Variants in BTBD7 observed in about 807,000 individuals in gnomAD.
BTBD7 encodes BTB/POZ domain-containing protein 7.
In BTBD7, 38 loss-of-function variants were observed where a neutral mutation model predicts 99.9. The ratio of observed to expected loss-of-function variants is 0.38; its 90% CI spans 0.29 to 0.50. BTBD7 has a LOEUF of 0.50. Ranked by LOEUF, BTBD7 falls within the 20% of genes least tolerant of loss-of-function variation. The pLI, the probability that BTBD7 is intolerant of heterozygous loss-of-function variation, is 0.93. For missense variants in BTBD7, 1,170 were observed against 1,394.6 expected (o/e 0.84, Z 2.57); for synonymous variants, 520 against 511.4 (o/e 1.02, Z -0.23).
At position 93,253,807 on chromosome 14, in the gene BTBD7, T is replaced by C. The variant is rs2052397544; in HGVS notation, c.1609-17A>G. On this transcript the variant is annotated splice_polypyrimidine_tract_variant and intron_variant, in intron 6 of 10. Coordinates refer to ENST00000334746, the MANE Select transcript of BTBD7 (RefSeq NM_001002860.4). ...TCTTTTCATCTAAAAAAAAATTTTTTTTTTAGATAGAAATCTGTGTAGTAC... is the reference window on the plus strand; with the variant it reads ...TCTTTTCATCTAAAAAAAAATTTTTCTTTTAGATAGAAATCTGTGTAGTAC... 6.5e-7 allele frequency: 1 copy of C among 1,533,436 alleles called. No homozygotes were observed. Among genetic ancestry groups the C allele is most frequent in the African/African-American group, 1.4e-5 (1 of 72,970 alleles). 95.0% of individuals were successfully genotyped at this position (1,533,436 alleles called of 1,614,324 possible). A position where few individuals can be genotyped will look rare whatever the true frequency, so the allele number is the denominator to read the frequency against.
intron 1 of BTBD7, among the ~76,000 whole-genome samples, chr14:93,309,586 T>G (rs1454585510): frequency 6.6e-6 from 1 of 151,998 alleles, no homozygotes; most frequent in Non-Finnish European, 1.5e-5. Flanking sequence ...GTCTACCTCA[T>G]GCTTCTGTGT....
At chr14:93,287,367 C>T (rs1042148079) in intron 3 of BTBD7, among the ~76,000 whole-genome samples, 1 of 134,550 alleles carries the variant, frequency 7.4e-6, no homozygotes, top group African/African-American at 2.7e-5. Flanking sequence ...AGTTCTGCTC[C>T]CCAGAGGTAA....
chr14:93,247,951 G>T (rs1202503768), intron 9 of BTBD7, among the ~76,000 whole-genome samples: 1 of 152,134 alleles, frequency 6.6e-6, no homozygotes, highest in Non-Finnish European at 1.5e-5. Context: ...AAACAGAAAC[G>T]AAAGTGGGCA....
intron 3 of BTBD7, among the ~76,000 whole-genome samples, chr14:93,284,159 C>CT (rs908886543): frequency 2.0e-5 from 3 of 152,144 alleles, no homozygotes; most frequent in Admixed American, 2.0e-4. Context: ...CTGGATTAAA[C>CT]TTTTTTTGGC....
chr14:93,274,353 T>C lies in BTBD7; in HGVS notation c.1163-10360A>G, dbSNP rs144241734. Among the ~76,000 whole-genome samples, 265 of 152,318 alleles carry C rather than the reference T, an allele frequency of 1.7e-3. 2 individuals carry two copies. The highest frequency in any genetic ancestry group is 3.4e-3 in the Middle Eastern group (1 of 294). On this transcript the variant is annotated intron_variant, in intron 3 of 10. Transcript: ENST00000334746. ...ACAGCACCCTGCCTCAGCAGTACCT[T>C]TGTATCTTTTGTTGTCTGCTGTGAA...
intron 3 of BTBD7, chr14:93,288,622 G>T: frequency 1.8e-6 from 2 of 1,114,188 alleles, no homozygotes; most frequent in Non-Finnish European, 2.8e-6. Flanking sequence ...GTTATCCTTG[G>T]ATGGGTTTTC....
intron 1 of BTBD7, among the ~76,000 whole-genome samples, chr14:93,304,770 A>G (rs533400572): frequency 1.3e-5 from 2 of 152,372 alleles, no homozygotes; most frequent in Non-Finnish European, 2.9e-5. Flanking sequence ...ATTCAAAGCC[A>G]AAACATTCAG....
At chr14:93,244,381 T>C (rs2052276190) in intron 10 of BTBD7, 1 of 194,198 alleles carries the variant, frequency 5.1e-6, no homozygotes, top group African/African-American at 2.4e-5. Flanking sequence ...CCGGGCGCAG[T>C]GGCCCACGCC....
intron 3 of BTBD7, among the ~76,000 whole-genome samples, chr14:93,271,778 G>A (rs1046116241): frequency 6.6e-6 from 1 of 152,142 alleles, no homozygotes; most frequent in East Asian, 1.9e-4. Flanking sequence ...GCCAAGACGG[G>A]CGGATCGTTT....
intron 3 of BTBD7, among the ~76,000 whole-genome samples, chr14:93,290,604 C>T (rs1441663796): frequency 2.0e-5 from 3 of 149,034 alleles, no homozygotes; most frequent in Non-Finnish European, 4.5e-5. Context: ...TGCCACCTCC[C>T]GCTCCTGGGT....
chr14:93,278,452 C>T (rs2052680650), intron 3 of BTBD7, among the ~76,000 whole-genome samples: 1 of 152,122 alleles, frequency 6.6e-6, no homozygotes, highest in Non-Finnish European at 1.5e-5. Context: ...CTGATATCTT[C>T]TGGTTGGTTA....
rs141698132 is a variant in BTBD7 at position 93,239,299 on chromosome 14, C to T, written c.*2974G>A. ...GTAGGTCTCTAACCTCAACGCACAG[C>T]GGGCACTGGAAGCGGTGATTGTCCA... On this transcript the variant is annotated 3_prime_UTR_variant, in exon 11 of 11. Coordinates refer to ENST00000334746, the MANE Select transcript of BTBD7 (RefSeq NM_001002860.4). 363 of 152,660 alleles carry T rather than the reference C, an allele frequency of 2.4e-3. 5 individuals carry two copies. Among genetic ancestry groups the T allele is most frequent in the East Asian group, 0.023 (121 of 5,182 alleles). 9.5% of individuals were successfully genotyped at this position (152,660 alleles called of 1,614,324 possible). A position where few individuals can be genotyped will look rare whatever the true frequency, so the allele number is the denominator to read the frequency against.
At chr14:93,272,472 TG>T (rs2052611186) in intron 3 of BTBD7, among the ~76,000 whole-genome samples, 1 of 152,156 alleles carries the variant, frequency 6.6e-6, no homozygotes, top group Non-Finnish European at 1.5e-5. Flanking sequence ...CCTACAGATT[TG>T]TCCTTCAGAA....
intron 3 of BTBD7, among the ~76,000 whole-genome samples, chr14:93,269,465 T>C (rs779369296): frequency 2.6e-5 from 4 of 152,166 alleles, no homozygotes; most frequent in African/African-American, 7.2e-5. Flanking sequence ...GGTCAGACTC[T>C]TGGTGACAAA....
At chr14:93,274,582 T>C (rs887931948) in intron 3 of BTBD7, among the ~76,000 whole-genome samples, 2 of 152,308 alleles carry the variant, frequency 1.3e-5, no homozygotes, top group Non-Finnish European at 2.9e-5. Flanking sequence ...TGAGTTCCAG[T>C]AGGATTATGC....
At chr14:93,331,344 T>C (rs955284778) in intron 1 of BTBD7, among the ~76,000 whole-genome samples, 7 of 152,160 alleles carry the variant, frequency 4.6e-5, no homozygotes, top group Admixed American at 2.0e-4. Flanking sequence ...TCGCCAGCTG[T>C]AGGATCCACA....
intron 2 of BTBD7, 144 bp from the exon 3 acceptor site, chr14:93,295,081 A>G: frequency 1.3e-6 from 1 of 782,050 alleles, no homozygotes; most frequent in South Asian, 2.1e-5. Context: ...AGGAAGACAA[A>G]AAGTTCAATT....
intron 1 of BTBD7, among the ~76,000 whole-genome samples, chr14:93,299,473 G>A (rs1595325940): frequency 6.6e-6 from 1 of 152,164 alleles, no homozygotes. Context: ...GGAGCAAGGA[G>A]AGGGGAGAGG....
chr14:93,305,880 T>G (rs772068856), intron 1 of BTBD7, among the ~76,000 whole-genome samples: 1 of 152,184 alleles, frequency 6.6e-6, no homozygotes, highest in Non-Finnish European at 1.5e-5. Context: ...GGGCACCACA[T>G]AGCAAGAGGG....
Sources: gnomAD v4.1 joint callset for allele counts (sites outside exome capture counted in the v4.1 genomes callset) on GRCh38, gnomAD v4.1.1 for gene constraint, MANE v1.5 for transcripts, NCBI Gene and HGNC (gene_info 2026-07-23, HGNC 2026-07-21) for gene names.